The following CNPY1 variants were observed in gnomAD, a reference collection of about 807,000 sequenced individuals.
The protein encoded by CNPY1 is protein canopy homolog 1.
CNPY1 carries 14 observed loss-of-function variants against 14.4 expected under a neutral mutation model. The ratio of observed to expected loss-of-function variants is 0.97; its 90% CI spans 0.64 to 1.52. The LOEUF is 1.52. Ranked by LOEUF, CNPY1 falls within the 40% of genes most tolerant of loss-of-function variation. CNPY1 has a pLI of 0.00. For synonymous variants in CNPY1, 43 were observed against 46.5 expected (o/e 0.92, Z 0.31); for missense variants, 129 against 131.5 (o/e 0.98, Z 0.09).
At chr7:155,527,057 T>TCTTTCTTTCTTTCTTTCTTTTC (rs1554449558) in intron 2 of CNPY1, among the ~76,000 whole-genome samples, 2 of 92,508 alleles carry the variant, frequency 2.2e-5, no homozygotes, top group Non-Finnish European at 4.3e-5. Flanking sequence ...TTTCTTTCTT[T>TCTTTCTTTCTTTCTTTCTTTTC]TTTTTTTTTT....
chr7:155,505,962 CA>C (rs1296938199), intron 4 of CNPY1, among the ~76,000 whole-genome samples: 1 of 151,786 alleles, frequency 6.6e-6, no homozygotes, highest in Non-Finnish European at 1.5e-5. Context: ...AGAGTATAAG[CA>C]AAAAAGACAA....
intron 2 of CNPY1, among the ~76,000 whole-genome samples, chr7:155,529,820 T>A (rs1402342460): frequency 2.0e-5 from 3 of 151,860 alleles, no homozygotes; most frequent in African/African-American, 7.3e-5. Context: ...TCTCACTCTG[T>A]CGCGCACGCT....
At position 155,532,750 on chromosome 7, in the gene CNPY1, T is replaced by A. The variant is rs117979810; in HGVS notation, c.99+13081A>T. On this transcript the variant is annotated intron_variant, in intron 2 of 4. Coordinates refer to ENST00000636446, the MANE Select transcript of CNPY1 (RefSeq NM_001393663.1). ...ACTGAAAAGAATTTGAATTTTAAAA[T>A]CCCATAATACCTCTACAATATCTTC... Among the ~76,000 whole-genome samples, 341 of 152,214 alleles carry A rather than the reference T, an allele frequency of 2.2e-3. 8 individuals are homozygous for A. In the East Asian group the frequency reaches 0.047, roughly 21 times the overall value.
chr7:155,521,679 A>G (rs1281870815), intron 2 of CNPY1, among the ~76,000 whole-genome samples: 1 of 152,254 alleles, frequency 6.6e-6, no homozygotes, highest in Non-Finnish European at 1.5e-5. Context: ...ATAATATTTA[A>G]TGACACATGA....
rs954734789 is a variant in CNPY1 at position 155,536,096 on chromosome 7, C to T, written c.99+9735G>A. Among the ~76,000 whole-genome samples the T allele has an allele frequency of 6.6e-6, 1 of 152,158 alleles. No homozygotes were observed. Among genetic ancestry groups the T allele is most frequent in the Admixed American group, 6.5e-5 (1 of 15,278 alleles). On this transcript the variant is annotated intron_variant, in intron 2 of 4. Transcript: ENST00000636446. The surrounding 1 kb of genome is among the most constrained non-coding windows in gnomAD (Gnocchi z 4.1). ...GGGATGATATTCTGGGCTGGGCTGT[C>T]CTCACCTGGCGGGGTCAGAGGCAGT... is the stretch of plus-strand genomic sequence containing the variant.
At chr7:155,534,999 G>A (rs542229306) in intron 2 of CNPY1, among the ~76,000 whole-genome samples, 9 of 152,326 alleles carry the variant, frequency 5.9e-5, no homozygotes, top group Admixed American at 1.3e-4. Context: ...GGAAAGGGAG[G>A]TTGAGACAGC....
chr7:155,513,922 T>A (rs1796570498), intron 2 of CNPY1, among the ~76,000 whole-genome samples: 1 of 152,238 alleles, frequency 6.6e-6, no homozygotes, highest in South Asian at 2.1e-4. Flanking sequence ...TTTGAACATT[T>A]TAGGTAGAAT....
chr7:155,545,033 G>T (rs898114745), intron 2 of CNPY1, among the ~76,000 whole-genome samples: 1 of 152,122 alleles, frequency 6.6e-6, no homozygotes, highest in African/African-American at 2.4e-5. Flanking sequence ...TGGGCACACA[G>T]CTCCAGGAAG....
chr7:155,545,557 C>T (rs1385603296), intron 2 of CNPY1, among the ~76,000 whole-genome samples: 2 of 152,172 alleles, frequency 1.3e-5, no homozygotes, highest in Admixed American at 1.3e-4. Context: ...GCTGGCCTCA[C>T]CAAGAACCAC....
At chr7:155,537,928 A>G (rs1797042313) in intron 2 of CNPY1, among the ~76,000 whole-genome samples, 2 of 152,216 alleles carry the variant, frequency 1.3e-5, no homozygotes, top group Non-Finnish European at 2.9e-5. Context: ...AGATAAACAA[A>G]AAAAGAAAGA....
chr7:155,513,280 A>T (rs958450966), intron 2 of CNPY1, among the ~76,000 whole-genome samples: 4 of 152,206 alleles, frequency 2.6e-5, no homozygotes, highest in Non-Finnish European at 4.4e-5. Flanking sequence ...AATGAATTGC[A>T]TCTGGACGTA....
chr7:155,518,021 A>G (rs1213387579), intron 2 of CNPY1, among the ~76,000 whole-genome samples: 1 of 152,216 alleles, frequency 6.6e-6, no homozygotes. Context: ...ACCGTCCTGC[A>G]TATGACCCAG....
chr7:155,542,243 G>A (rs995717507), intron 2 of CNPY1, among the ~76,000 whole-genome samples: 2 of 152,132 alleles, frequency 1.3e-5, no homozygotes, highest in African/African-American at 2.4e-5. Flanking sequence ...AGCTGGGCAG[G>A]GGAGTCAGGG....
chr7:155,528,701 T>C (rs547517842), intron 2 of CNPY1, among the ~76,000 whole-genome samples: 10 of 152,308 alleles, frequency 6.6e-5, no homozygotes, highest in African/African-American at 2.4e-4. Flanking sequence ...ACGGCCTTCT[T>C]GGTCTTCCTG....
chr7:155,515,901 A>G (rs1796613159), intron 2 of CNPY1, among the ~76,000 whole-genome samples: 2 of 152,162 alleles, frequency 1.3e-5, no homozygotes, highest in Non-Finnish European at 2.9e-5. Context: ...AGGGTAGAGT[A>G]AAATCTAAGG....
chr7:155,528,885 T>C (rs12698003), intron 2 of CNPY1, among the ~76,000 whole-genome samples: 82,102 of 151,860 alleles, frequency 0.54, 22,470 homozygotes, highest in East Asian at 0.67. Flanking sequence ...ATGATGAAAC[T>C]GTGTCTCTAC....
At chr7:155,539,087 A>C (rs1797056430) in intron 2 of CNPY1, among the ~76,000 whole-genome samples, 1 of 147,566 alleles carries the variant, frequency 6.8e-6, no homozygotes, top group Admixed American at 6.7e-5. Context: ...CCCTTGGTCC[A>C]TAGAAAGCGT....
rs1796329521 is a variant in CNPY1, at chr7:155,506,830, C to T, written c.400+190G>A. ...AAGTACAAAGAGGAAGGCCACACAG[C>T]CCTGTGGTTTCTGTTTATCTGTTTT... On this transcript the variant is annotated intron_variant, in intron 4 of 4. Coordinates refer to ENST00000636446, the MANE Select transcript of CNPY1 (RefSeq NM_001393663.1). 2.1e-5 allele frequency: 13 copies of T among 609,116 alleles called. No individual in the cohort carries two copies. In the South Asian group the frequency reaches 2.4e-4, roughly 11 times the overall value. 37.7% of individuals were successfully genotyped at this position (609,116 alleles called of 1,614,324 possible).
intron 2 of CNPY1, among the ~76,000 whole-genome samples, chr7:155,545,059 A>G (rs1446777289): frequency 6.6e-6 from 1 of 152,246 alleles, no homozygotes. Flanking sequence ...GACCCCACAC[A>G]GACAGCCTAG....
Sources: allele counts gnomAD v4.1 joint callset (sites outside exome capture counted in the v4.1 genomes callset), GRCh38; gene constraint gnomAD v4.1.1; non-coding constraint Gnocchi (gnomAD v3.1); transcripts MANE v1.5; gene names NCBI Gene and HGNC (gene_info 2026-07-23, HGNC 2026-07-21).